The following TRAK2 variants were observed in gnomAD, a reference collection of about 807,000 sequenced individuals.
TRAK2 encodes the protein trafficking kinesin-binding protein 2.
In TRAK2, 81 loss-of-function variants were observed where a neutral mutation model predicts 104.6. That is an observed-to-expected ratio of 0.77 (90% CI 0.65 to 0.93). The LOEUF (loss-of-function observed/expected upper bound fraction) is 0.93, where lower values mean the gene tolerates loss of function less well. Ranked by LOEUF, TRAK2 falls within the 40% of genes least tolerant of loss-of-function variation. TRAK2 has a pLI of 0.00. For synonymous variants in TRAK2, 406 were observed against 394.4 expected, an observed-to-expected ratio of 1.03 and a Z score of -0.35; for missense variants, 1,002 against 1,089.0, an observed-to-expected ratio of 0.92 and a Z score of 1.12.
In TRAK2 at chr2:201,398,027, C is replaced by G. The variant is rs141690477; in HGVS notation, c.690+118G>C. ...AAAATACAGCTCCTTGTCCACGACT[C>G]TCTAATTGGAATGCCAATAGCAAAT... is the stretch of plus-strand genomic sequence containing the variant. On this transcript the variant is annotated intron_variant, in intron 6 of 15. Transcript: ENST00000332624. The G allele has an allele frequency of 3.6e-4, 346 of 961,734 alleles. 1 individual carries two copies. The African/African-American group carries it at 4.8e-3, about 13-fold the overall frequency. 59.6% of individuals were successfully genotyped at this position (961,734 alleles called of 1,614,324 possible).
chr2:201,437,450 G>T (rs1951887289), intron 1 of TRAK2, among the ~76,000 whole-genome samples: 1 of 151,976 alleles, frequency 6.6e-6, no homozygotes, highest in Non-Finnish European at 1.5e-5. Flanking sequence ...TTTTATACTG[G>T]AAATCTCAGT....
intron 3 of TRAK2, among the ~76,000 whole-genome samples, chr2:201,404,614 A>T (rs1951577493): frequency 6.6e-6 from 1 of 152,236 alleles, no homozygotes; most frequent in Admixed American, 6.5e-5. Flanking sequence ...AACACCAATG[A>T]TAATCCATTC....
At chr2:201,397,674 C>T (rs1951514299) in intron 6 of TRAK2, 94 bp from the exon 7 acceptor site, 1 of 915,044 alleles carries the variant, frequency 1.1e-6, no homozygotes, top group Non-Finnish European at 1.7e-6. Context: ...GACTAAATTT[C>T]ATCACTTACA....
At chr2:201,391,190 C>T (rs1951445328) in intron 10 of TRAK2, among the ~76,000 whole-genome samples, 2 of 151,954 alleles carry the variant, frequency 1.3e-5, no homozygotes, top group Non-Finnish European at 2.9e-5. Flanking sequence ...ACAAAAAGTA[C>T]AAGATCAGCT....
intron 3 of TRAK2, among the ~76,000 whole-genome samples, chr2:201,402,717 G>T (rs1424102513): frequency 6.6e-6 from 1 of 152,058 alleles, no homozygotes; most frequent in Non-Finnish European, 1.5e-5. Context: ...CAAAATTATG[G>T]GAAAAATATA....
At position 201,407,477 on chromosome 2, in the gene TRAK2, T is replaced by G. The variant is rs1442629226; in HGVS notation, c.212A>C (p.Gln71Pro). 1 of 1,614,184 alleles carries G rather than the reference T, an allele frequency of 6.2e-7. No individual in the cohort carries two copies. The highest frequency in any genetic ancestry group is 1.7e-5 in the Admixed American group (1 of 60,030). The change falls in exon 3 of 16, where the codon CAG (glutamine) becomes CCG (proline). Residue 71 changes from glutamine (Q) to proline (P), a missense_variant. Coordinates refer to ENST00000332624, the MANE Select transcript of TRAK2 (RefSeq NM_015049.3). Reference protein sequence around the residue: ...LFLYENQDWTQSPHQRQHASD... With the variant: ...LFLYENQDWTPSPHQRQHASD... ...TGCATGCTGCCGCTGGTGTGGAGAC[T>G]GAGTCCAGTCTTGATTTTCATATAG...
At chr2:201,449,689 C>G (rs1290747934) in intron 1 of TRAK2, among the ~76,000 whole-genome samples, 1 of 151,230 alleles carries the variant, frequency 6.6e-6, no homozygotes, top group African/African-American at 2.4e-5. Flanking sequence ...CGCTGTTGCC[C>G]AGGCTGGAGT....
intron 3 of TRAK2, among the ~76,000 whole-genome samples, chr2:201,401,606 T>C (rs925249662): frequency 6.6e-6 from 1 of 152,132 alleles, no homozygotes; most frequent in Non-Finnish European, 1.5e-5. Flanking sequence ...CTTTTTCTGG[T>C]TCTGTTATGA....
intron 1 of TRAK2, among the ~76,000 whole-genome samples, chr2:201,430,514 A>C (rs1040855823): frequency 5.3e-5 from 8 of 152,088 alleles, no homozygotes; most frequent in Non-Finnish European, 1.2e-4. Flanking sequence ...TTACCTACTC[A>C]AGCTTCAGCA....
chr2:201,401,192 C>G, intron 3 of TRAK2, 98 bp from the exon 4 acceptor site: 1 of 704,532 alleles, frequency 1.4e-6, no homozygotes, highest in South Asian at 2.6e-5. Flanking sequence ...AAAACCCCAG[C>G]CTTTTACAAA....
At chr2:201,450,758 C>T (rs1041692939) in intron 1 of TRAK2, among the ~76,000 whole-genome samples, 1 of 150,120 alleles carries the variant, frequency 6.7e-6, no homozygotes, top group Admixed American at 6.7e-5. Context: ...GAGCAAGTAA[C>T]ATCCCTATTA....
intron 12 of TRAK2, among the ~76,000 whole-genome samples, chr2:201,388,294 T>C (rs993360388): frequency 1.3e-5 from 2 of 152,202 alleles, no homozygotes; most frequent in Admixed American, 1.3e-4. Flanking sequence ...CAACCATCTA[T>C]AAATTCATAT....
In TRAK2 at chr2:201,377,880, GA is replaced by G. The variant is rs200050042; in HGVS notation, c.*2662del. Reference sequence around the variant, plus strand: ...AATCACTGAAAACCTTCTTAAAGGCGAAAAAAAAAAAAGATTGAGGTTTCCT... The same window carrying G: ...AATCACTGAAAACCTTCTTAAAGGCGAAAAAAAAAAAGATTGAGGTTTCCT... On this transcript the variant is annotated 3_prime_UTR_variant, in exon 16 of 16. Transcript: ENST00000332624. 1.1e-3 allele frequency: 151 copies of G among 138,418 alleles called. No individual in the cohort carries two copies. The highest frequency in any genetic ancestry group is 1.0e-3 in the East Asian group (5 of 4,824). 8.6% of individuals were successfully genotyped at this position (138,418 alleles called of 1,614,324 possible).
intron 2 of TRAK2, among the ~76,000 whole-genome samples, chr2:201,414,176 C>T (rs1335894113): frequency 6.6e-6 from 1 of 152,114 alleles, no homozygotes; most frequent in African/African-American, 2.4e-5. Flanking sequence ...CCCCCACCCC[C>T]ATCTCTGAAC....
At chr2:201,390,525 C>T (rs1434766050) in intron 10 of TRAK2, among the ~76,000 whole-genome samples, 2 of 139,720 alleles carry the variant, frequency 1.4e-5, no homozygotes, top group Admixed American at 7.6e-5. Flanking sequence ...GATCGCACCA[C>T]TGCACTCCAG....
intron 3 of TRAK2, among the ~76,000 whole-genome samples, chr2:201,401,602 C>G (rs1951551390): frequency 6.6e-6 from 1 of 152,102 alleles, no homozygotes; most frequent in African/African-American, 2.4e-5. Flanking sequence ...AGGACTTTTT[C>G]TGGTTCTGTT....
intron 6 of TRAK2, 87 bp from the exon 7 acceptor site, chr2:201,397,667 T>A: frequency 1.0e-6 from 1 of 973,130 alleles, no homozygotes; most frequent in Non-Finnish European, 1.6e-6. Flanking sequence ...ATTTGAAGAC[T>A]AAATTTCATC....
rs113720750 is a variant in TRAK2 at position 201,442,407 on chromosome 2, G to A, written c.-200+8943C>T. Reference sequence around the variant, plus strand: ...CCATCTCAAAAAAAAAAAAGAAAAGGGCAGAGAGCAGAGATTTGACGCTTG... The same window carrying A: ...CCATCTCAAAAAAAAAAAAGAAAAGAGCAGAGAGCAGAGATTTGACGCTTG... On this transcript the variant is annotated intron_variant, in intron 1 of 15. Transcript: ENST00000332624. 6.1e-4 allele frequency among the ~76,000 whole-genome samples: 92 copies of A among 151,646 alleles called. 1 individual carries two copies. Among genetic ancestry groups the A allele is most frequent in the African/African-American group, 2.1e-3 (86 of 41,390 alleles).
At chr2:201,392,215 A>G (rs1016120192) in intron 10 of TRAK2, among the ~76,000 whole-genome samples, 2 of 151,200 alleles carry the variant, frequency 1.3e-5, no homozygotes, top group Admixed American at 1.3e-4. Context: ...AGGGATATAC[A>G]AAAATTCTTT....
Sources: gnomAD v4.1 joint callset for allele counts (sites outside exome capture counted in the v4.1 genomes callset) on GRCh38, gnomAD v4.1.1 for gene constraint, MANE v1.5 for transcripts, NCBI Gene and HGNC (gene_info 2026-07-23, HGNC 2026-07-21) for gene names.